VPS13B: variants seen among roughly 807,000 people sequenced by gnomAD.
VPS13B encodes intermembrane lipid transfer protein VPS13B.
Under a neutral mutation model 426.4 loss-of-function variants are expected in VPS13B, and 285 were observed. That is an observed-to-expected ratio of 0.67 (90% confidence interval 0.61 to 0.74). The LOEUF (loss-of-function observed/expected upper bound fraction) is 0.74. VPS13B is among the 30% of genes least tolerant of loss of function. VPS13B has a pLI of 0.00. For synonymous variants in VPS13B, 1,676 were observed against 1,676.4 expected, an observed-to-expected ratio of 1.00 and a Z score of 0.01; for missense variants, 4,537 against 4,782.6, an observed-to-expected ratio of 0.95 and a Z score of 1.51.
intron 19 of VPS13B, among the ~76,000 whole-genome samples, chr8:99,351,460 G>GTGTGTGTA (rs1353359619): frequency 7.9e-5 from 12 of 151,850 alleles, no homozygotes; most frequent in African/African-American, 2.9e-4. Context: ...GTGTGTGTGT[G>GTGTGTGTA]TGTATGTATG....
chr8:99,320,073 C>G (rs908366162), intron 19 of VPS13B, among the ~76,000 whole-genome samples: 1 of 152,162 alleles, frequency 6.6e-6, no homozygotes, highest in African/African-American at 2.4e-5. Flanking sequence ...TGTCTATCAT[C>G]TGTGTCTTTC....
intron 42 of VPS13B, among the ~76,000 whole-genome samples, chr8:99,781,639 A>G (rs1588706656): frequency 6.6e-6 from 1 of 152,156 alleles, no homozygotes; most frequent in East Asian, 1.9e-4. Context: ...AAAAATGTAA[A>G]CAACCCCCTT....
chr8:99,118,738 A>G (rs1187355388), intron 7 of VPS13B, among the ~76,000 whole-genome samples: 1 of 152,288 alleles, frequency 6.6e-6, no homozygotes, highest in East Asian at 1.9e-4. Flanking sequence ...TTTCATTGCT[A>G]CATACACTGT....
intron 33 of VPS13B, among the ~76,000 whole-genome samples, chr8:99,615,988 A>C (rs997035310): frequency 6.6e-6 from 1 of 152,118 alleles, no homozygotes; most frequent in Non-Finnish European, 1.5e-5. Context: ...GTCTATGATG[A>C]TAATCATCAG....
chr8:99,077,825 CT>C (rs1450797736), intron 3 of VPS13B, among the ~76,000 whole-genome samples: 1 of 151,914 alleles, frequency 6.6e-6, no homozygotes, highest in Non-Finnish European at 1.5e-5. Context: ...TTTTCTATGC[CT>C]TTACCCATCT....
intron 17 of VPS13B, among the ~76,000 whole-genome samples, chr8:99,205,725 CT>C (rs1814674434): frequency 6.6e-6 from 1 of 151,956 alleles, no homozygotes; most frequent in Non-Finnish European, 1.5e-5. Context: ...GTTATATATC[CT>C]TTTTTACAGA....
intron 17 of VPS13B, among the ~76,000 whole-genome samples, chr8:99,259,549 C>T (rs1356235424): frequency 2.6e-5 from 4 of 152,008 alleles, no homozygotes; most frequent in Non-Finnish European, 5.9e-5. Context: ...AAAGATAGAC[C>T]ATTTCAAAAA....
At chr8:99,066,035 A>T (rs1419399408) in intron 3 of VPS13B, among the ~76,000 whole-genome samples, 2 of 152,262 alleles carry the variant, frequency 1.3e-5, no homozygotes, top group Non-Finnish European at 2.9e-5. Context: ...TTCCATGCTC[A>T]TGGATAGGAA....
At chr8:99,857,515 C>T (rs58336158) in intron 56 of VPS13B, among the ~76,000 whole-genome samples, 2,433 of 152,294 alleles carry the variant, frequency 0.016, 78 homozygotes, top group African/African-American at 0.056. Context: ...CCAGCTCCCT[C>T]GCCTACTCTT....
chr8:99,466,895 T>G (rs1819137552), intron 23 of VPS13B, among the ~76,000 whole-genome samples: 1 of 152,166 alleles, frequency 6.6e-6, no homozygotes, highest in African/African-American at 2.4e-5. Context: ...TCTATGGTCA[T>G]TTTCAGTACC....
chr8:99,372,884 A>G (rs1563693785), intron 19 of VPS13B, among the ~76,000 whole-genome samples: 1 of 152,240 alleles, frequency 6.6e-6, no homozygotes. Context: ...TTGCAGCACT[A>G]TTTACAATAG....
rs2132580880 is a variant in VPS13B at position 99,142,967 on chromosome 8, C to A, written c.1652-7C>A. The A allele has an allele frequency of 4.3e-6, 7 of 1,611,254 alleles. No individual in the cohort carries two copies. The highest frequency in any genetic ancestry group is 5.9e-6 in the Non-Finnish European group (7 of 1,178,668). ...ATGCTTAAAATATAAAATTTGACTT[C>A]TTTTAGGTTCCACAAATCAACAAGA... is the stretch of plus-strand genomic sequence containing the variant. On this transcript the variant is annotated splice_polypyrimidine_tract_variant and splice_region_variant and intron_variant, in intron 12 of 61. Transcript: ENST00000357162.
intron 43 of VPS13B, among the ~76,000 whole-genome samples, chr8:99,790,927 A>G (rs756742612): frequency 2.0e-4 from 31 of 152,182 alleles, no homozygotes; most frequent in Non-Finnish European, 4.4e-5. Flanking sequence ...GGCTAAGGCC[A>G]TGAGGGCTCC....
In VPS13B at chr8:99,304,505, A is replaced by G. The variant is rs796694152; in HGVS notation, c.2824+29251A>G. On this transcript the variant is annotated intron_variant, in intron 19 of 61. Coordinates refer to ENST00000357162, the MANE Select transcript of VPS13B (RefSeq NM_152564.5). ...GATAATGCCAGTCAATTCTGTAAAG[A>G]TGAAATATTAAATTTGTGCTATTCT... Among the ~76,000 whole-genome samples the G allele has an allele frequency of 5.1e-4, 77 of 152,216 alleles. 1 individual carries two copies. The highest frequency in any genetic ancestry group is 3.4e-3 in the Middle Eastern group (1 of 294).
chr8:99,404,454 C>G (rs1815222760), intron 21 of VPS13B, among the ~76,000 whole-genome samples: 1 of 152,138 alleles, frequency 6.6e-6, no homozygotes, highest in Admixed American at 6.5e-5. Context: ...CCATGTCACG[C>G]TGACTTGCAG....
At chr8:99,869,700 G>A (rs555954620) in intron 59 of VPS13B, among the ~76,000 whole-genome samples, 2 of 152,292 alleles carry the variant, frequency 1.3e-5, no homozygotes, top group African/African-American at 4.8e-5. Context: ...GTCCCTCACC[G>A]TGTTTCCCAG....
chr8:99,407,461 C>G (rs562420417), intron 21 of VPS13B, among the ~76,000 whole-genome samples: 9 of 152,112 alleles, frequency 5.9e-5, no homozygotes, highest in Non-Finnish European at 2.9e-5. Context: ...TGCTATCCAT[C>G]TATTTCTCTC....
chr8:99,868,669 A>G (rs970648599), intron 59 of VPS13B, among the ~76,000 whole-genome samples: 3 of 152,234 alleles, frequency 2.0e-5, no homozygotes, highest in Admixed American at 6.5e-5. Flanking sequence ...GTTTCAGTCT[A>G]TATGTCGTAG....
At chr8:99,210,073 A>G (rs1814989138) in intron 17 of VPS13B, among the ~76,000 whole-genome samples, 1 of 152,330 alleles carries the variant, frequency 6.6e-6, no homozygotes, top group Non-Finnish European at 1.5e-5. Flanking sequence ...GAATGTGCTA[A>G]ATATATTCTG....
Sources: allele counts gnomAD v4.1 joint callset (sites outside exome capture counted in the v4.1 genomes callset), GRCh38; gene constraint gnomAD v4.1.1; transcripts MANE v1.5; gene names NCBI Gene and HGNC (gene_info 2026-07-23, HGNC 2026-07-21).